TMEM74: variants seen among roughly 807,000 people sequenced by gnomAD.
The protein encoded by TMEM74 is transmembrane protein 74.
In TMEM74, 13 loss-of-function variants were observed where a neutral mutation model predicts 18.1. The observed-to-expected ratio is 0.72, with a 90% CI of 0.47 to 1.14. The LOEUF (loss-of-function observed/expected upper bound fraction) is 1.14. Ranked by LOEUF, TMEM74 falls within the 50% of genes most tolerant of loss-of-function variation. The pLI is 0.00. For synonymous variants in TMEM74, 159 were observed against 146.6 expected, an observed-to-expected ratio of 1.08 and a Z score of -0.61; for missense variants, 372 against 375.9, an observed-to-expected ratio of 0.99 and a Z score of 0.09.
chr8:108,607,132 C>A (rs1374753895), exon 4 of TMEM74: 1 of 152,172 alleles, frequency 6.6e-6, no homozygotes, highest in Non-Finnish European at 1.5e-5. Flanking sequence ...GATCACACTT[C>A]AACCCTGTGC....
At chr8:108,672,687 TA>T (rs1040533377) in intron 1 of TMEM74, among the ~76,000 whole-genome samples, 4 of 152,224 alleles carry the variant, frequency 2.6e-5, no homozygotes, top group African/African-American at 9.6e-5. Flanking sequence ...GTCAAAGGAT[TA>T]AAATATACAA....
At chr8:108,644,918 TC>T (rs1286720096) in intron 2 of TMEM74, among the ~76,000 whole-genome samples, 1 of 152,160 alleles carries the variant, frequency 6.6e-6, no homozygotes, top group East Asian at 1.9e-4. Context: ...GTAAATTAGT[TC>T]AGCCATTGTG....
At chr8:108,633,255 A>C (rs2130554600) in intron 2 of TMEM74, among the ~76,000 whole-genome samples, 1 of 152,100 alleles carries the variant, frequency 6.6e-6, no homozygotes, top group South Asian at 2.1e-4. Context: ...TTTCTTTATG[A>C]GCCATCATTA....
At chr8:108,679,815 C>T (rs2130597743) in intron 1 of TMEM74, among the ~76,000 whole-genome samples, 1 of 152,258 alleles carries the variant, frequency 6.6e-6, no homozygotes, top group East Asian at 1.9e-4. Context: ...GACATGAAGT[C>T]CTTGCCCATG....
At chr8:108,651,310 A>T (rs1342241000) in intron 2 of TMEM74, among the ~76,000 whole-genome samples, 2 of 152,186 alleles carry the variant, frequency 1.3e-5, no homozygotes, top group African/African-American at 4.8e-5. Flanking sequence ...TGCTGAATCC[A>T]ACTTTACTGC....
intron 2 of TMEM74, among the ~76,000 whole-genome samples, chr8:108,630,091 T>C (rs898851656): frequency 2.0e-5 from 3 of 151,914 alleles, no homozygotes; most frequent in Non-Finnish European, 4.4e-5. Context: ...AGGATATCCA[T>C]CTCACATGCA....
chr8:108,763,579 A>C (rs1351576301), intron 1 of TMEM74, among the ~76,000 whole-genome samples: 1 of 152,142 alleles, frequency 6.6e-6, no homozygotes, highest in Non-Finnish European at 1.5e-5. Context: ...AAGAAGTATT[A>C]ATTTATACCT....
chr8:108,629,579 A>C (rs558731953), intron 2 of TMEM74, among the ~76,000 whole-genome samples: 1 of 152,234 alleles, frequency 6.6e-6, no homozygotes, highest in South Asian at 2.1e-4. Flanking sequence ...AAGGGCAGCC[A>C]GCGAGAAAGG....
chr8:108,766,251 C>A (rs1586290414), intron 1 of TMEM74, among the ~76,000 whole-genome samples: 1 of 152,012 alleles, frequency 6.6e-6, no homozygotes, highest in Admixed American at 6.6e-5. Flanking sequence ...CTCTCTGTCT[C>A]TCTCTTTTTA....
In TMEM74 at chr8:108,784,105, C is replaced by A; in HGVS notation, c.*76G>T. ...TTTCTTGCCAGGCAAATAAATTGCA[C>A]TGTGAATTTTTATAAATTAACTTTT... is the stretch of plus-strand genomic sequence containing the variant. On this transcript the variant is annotated 3_prime_UTR_variant, in exon 2 of 2. Transcript: ENST00000297459. 7.7e-7 allele frequency: 1 copy of A among 1,306,246 alleles called. No homozygotes were observed. Among genetic ancestry groups the A allele is most frequent in the Non-Finnish European group, 1.0e-6 (1 of 959,884 alleles). 80.9% of individuals were successfully genotyped at this position (1,306,246 alleles called of 1,614,324 possible).
exon 4 of TMEM74, chr8:108,606,977 C>T (rs1812279982): frequency 6.6e-6 from 1 of 152,214 alleles, no homozygotes; most frequent in Non-Finnish European, 1.5e-5. Flanking sequence ...GGATATACTC[C>T]AAGATGACTT....
chr8:108,662,327 G>A (rs1041316623), intron 1 of TMEM74, among the ~76,000 whole-genome samples: 3 of 152,014 alleles, frequency 2.0e-5, no homozygotes, highest in African/African-American at 7.2e-5. Context: ...AAACAGATAG[G>A]CAGTGAGGGA....
chr8:108,732,752 G>C (rs1427984946), intron 1 of TMEM74, among the ~76,000 whole-genome samples: 1 of 144,208 alleles, frequency 6.9e-6, no homozygotes, highest in Non-Finnish European at 1.5e-5. Context: ...ATAAGGAAAA[G>C]CTACAATTAT....
chr8:108,691,356 G>A (rs1813229201), intron 1 of TMEM74, among the ~76,000 whole-genome samples: 1 of 152,198 alleles, frequency 6.6e-6, no homozygotes, highest in Non-Finnish European at 1.5e-5. Context: ...GGTTTCTGAA[G>A]GGTTCAACAT....
At chr8:108,697,397 A>G (rs1813290681) in intron 1 of TMEM74, among the ~76,000 whole-genome samples, 1 of 152,130 alleles carries the variant, frequency 6.6e-6, no homozygotes, top group Admixed American at 6.5e-5. Flanking sequence ...ATAAGCTTCA[A>G]TTCCTCCTTT....
At chr8:108,609,004 T>C (rs1269852226) in intron 2 of TMEM74, among the ~76,000 whole-genome samples, 3 of 152,116 alleles carry the variant, frequency 2.0e-5, no homozygotes, top group Admixed American at 1.3e-4. Context: ...ATAAACAAAT[T>C]TTATTTCCCT....
At chr8:108,719,412 G>A (rs1348026096) in intron 1 of TMEM74, among the ~76,000 whole-genome samples, 1 of 152,028 alleles carries the variant, frequency 6.6e-6, no homozygotes, top group Non-Finnish European at 1.5e-5. Context: ...TATTTTGGCA[G>A]CTCTGCATTG....
intron 1 of TMEM74, among the ~76,000 whole-genome samples, chr8:108,678,786 A>G (rs2349203): frequency 0.73 from 109,803 of 149,664 alleles, 40,953 homozygotes; most frequent in East Asian, 0.99. Context: ...TAGGGTACAC[A>G]TGCACAATGT....
chr8:108,638,845 A>T (rs1363929079), intron 2 of TMEM74, among the ~76,000 whole-genome samples: 2 of 152,150 alleles, frequency 1.3e-5, no homozygotes, highest in African/African-American at 4.8e-5. Context: ...TCTTGCATCC[A>T]CACCCTTTAG....
Sources: allele counts gnomAD v4.1 joint callset (sites outside exome capture counted in the v4.1 genomes callset), GRCh38; gene constraint gnomAD v4.1.1; transcripts MANE v1.5; gene names NCBI Gene and HGNC (gene_info 2026-07-23, HGNC 2026-07-21).